Variants in SPIRE1 observed in about 807,000 individuals in gnomAD.
SPIRE1 encodes protein spire homolog 1.
A neutral mutation model predicts 94.1 loss-of-function variants in SPIRE1; 40 were observed. The ratio of observed to expected loss-of-function variants is 0.43; its 90% confidence interval spans 0.33 to 0.55. SPIRE1 has a LOEUF of 0.55. Among genes scored for constraint, SPIRE1 ranks in the 20% least tolerant of loss-of-function variants. The probability of loss-of-function intolerance (pLI) is 0.06; values close to 1 mark genes in which losing one functional copy is unlikely to be tolerated. For synonymous variants in SPIRE1, 376 were observed against 371.7 expected (o/e 1.01, Z -0.13); for missense variants, 838 against 975.2 (o/e 0.86, Z 1.87).
chr18:12,514,180 G>A (rs62097092), intron 4 of SPIRE1, among the ~76,000 whole-genome samples: 68 of 152,236 alleles, frequency 4.5e-4, no homozygotes, highest in South Asian at 8.3e-4. Context: ...CTTATGGTAT[G>A]CACACTGGCT....
rs563406956 is a variant in SPIRE1, at chr18:12,458,320, T to G, written c.1639-3837A>C. ...TACTCTTCTTAATCAACTACAAAAC[T>G]CAAAGTGAAGGCCAGGCGCAGTGGC... is the stretch of plus-strand genomic sequence containing the variant. On this transcript the variant is annotated intron_variant, in intron 12 of 16. Coordinates refer to ENST00000409402, the MANE Select transcript of SPIRE1 (RefSeq NM_001128626.2). Among the ~76,000 whole-genome samples, 6 of 151,094 alleles carry G rather than the reference T, an allele frequency of 4.0e-5. No individual in the cohort carries two copies. The South Asian group carries it at 1.3e-3, about 32-fold the overall frequency.
intron 10 of SPIRE1, among the ~76,000 whole-genome samples, chr18:12,469,142 G>A (rs1466747171): frequency 1.3e-5 from 2 of 151,974 alleles, no homozygotes; most frequent in Non-Finnish European, 1.5e-5. Flanking sequence ...TGGTTCTAGG[G>A]GAATTAACAT....
intron 2 of SPIRE1, among the ~76,000 whole-genome samples, chr18:12,590,801 G>A (rs1232666304): frequency 2.0e-5 from 3 of 152,176 alleles, no homozygotes; most frequent in African/African-American, 7.2e-5. Context: ...ACCTTTTCTT[G>A]AGTCCAGGAC....
intron 1 of SPIRE1, among the ~76,000 whole-genome samples, chr18:12,648,138 T>TGTGC (rs1175546864): frequency 1.3e-5 from 2 of 152,172 alleles, no homozygotes; most frequent in Non-Finnish European, 2.9e-5. Context: ...TTCACAGAAT[T>TGTGC]CAAAATAACT....
chr18:12,583,325 C>T (rs1362729064), intron 2 of SPIRE1, among the ~76,000 whole-genome samples: 7 of 152,008 alleles, frequency 4.6e-5, no homozygotes, highest in Admixed American at 2.6e-4. Context: ...AGAAAAAGGC[C>T]GGGTATGGTG....
chr18:12,655,993 G>T (rs1337606356), intron 1 of SPIRE1, among the ~76,000 whole-genome samples: 1 of 152,102 alleles, frequency 6.6e-6, no homozygotes, highest in Non-Finnish European at 1.5e-5. Flanking sequence ...CCACCTCCCA[G>T]GTTCAAGCAA....
At chr18:12,656,055 C>T (rs1245285925) in intron 1 of SPIRE1, among the ~76,000 whole-genome samples, 2 of 150,882 alleles carry the variant, frequency 1.3e-5, no homozygotes, top group African/African-American at 2.4e-5. Context: ...CACAACACCA[C>T]GCCCGGCTAA....
rs1334231402 is a variant in SPIRE1 at position 12,473,913 on chromosome 18, T to C, written c.1404+5786A>G. The stretch of plus-strand genomic sequence containing the variant: ...GGGGAGCACAGCTGATATTGTGGAA[T>C]GGTGGAAGGTATCTCTTAAAAGAAT... On this transcript the variant is annotated intron_variant, in intron 10 of 16. Coordinates refer to ENST00000409402, the MANE Select transcript of SPIRE1 (RefSeq NM_001128626.2). Among the ~76,000 whole-genome samples the C allele has an allele frequency of 3.3e-5, 5 of 152,352 alleles. 1 individual carries two copies. Among genetic ancestry groups the C allele is most frequent in the Middle Eastern group, 6.8e-3 (2 of 294 alleles).
upstream of SPIRE1, chr18:12,661,218 G>A (rs1229169222): frequency 5.0e-5 from 9 of 181,096 alleles, no homozygotes; most frequent in Non-Finnish European, 8.5e-5. Flanking sequence ...TGAGGCAGGG[G>A]AATCACTTGA....
intron 1 of SPIRE1, among the ~76,000 whole-genome samples, chr18:12,649,549 C>G (rs1228000792): frequency 1.3e-5 from 2 of 152,178 alleles, no homozygotes; most frequent in African/African-American, 4.8e-5. Flanking sequence ...GAAATACATA[C>G]AGCTCTAATG....
At chr18:12,586,698 TAA>T (rs1179732023) in intron 2 of SPIRE1, among the ~76,000 whole-genome samples, 1 of 152,200 alleles carries the variant, frequency 6.6e-6, no homozygotes, top group African/African-American at 2.4e-5. Context: ...ATAAATCCAA[TAA>T]AGTCATTTTC....
chr18:12,620,294 T>C (rs2037431066), intron 2 of SPIRE1, among the ~76,000 whole-genome samples: 1 of 152,232 alleles, frequency 6.6e-6, no homozygotes, highest in Non-Finnish European at 1.5e-5. Flanking sequence ...CCTATGAGAA[T>C]TCCAGCTGGT....
chr18:12,466,255 G>C (rs2032094687), intron 10 of SPIRE1, among the ~76,000 whole-genome samples: 1 of 151,992 alleles, frequency 6.6e-6, no homozygotes. Flanking sequence ...ACATTTACTT[G>C]TAATTTCTAC....
intron 2 of SPIRE1, among the ~76,000 whole-genome samples, chr18:12,588,688 T>C (rs926993536): frequency 8.5e-5 from 12 of 140,904 alleles, no homozygotes; most frequent in Non-Finnish European, 1.7e-4. Flanking sequence ...CTTTCTTACA[T>C]TGCTAGTGCT....
At chr18:12,508,508 C>T (rs2033913584) in intron 5 of SPIRE1, among the ~76,000 whole-genome samples, 1 of 152,152 alleles carries the variant, frequency 6.6e-6, no homozygotes, top group African/African-American at 2.4e-5. Flanking sequence ...CTCAGGAATG[C>T]TTTTGTCCCA....
At chr18:12,622,227 A>C (rs909816655) in intron 2 of SPIRE1, among the ~76,000 whole-genome samples, 3 of 152,140 alleles carry the variant, frequency 2.0e-5, no homozygotes, top group Non-Finnish European at 2.9e-5. Context: ...TTATGGTACC[A>C]ATTAATTAAA....
intron 2 of SPIRE1, among the ~76,000 whole-genome samples, chr18:12,631,123 C>T (rs183350638): frequency 9.7e-4 from 147 of 152,138 alleles, no homozygotes; most frequent in African/African-American, 3.4e-3. Context: ...GGAAGAAGTA[C>T]CTCTGCCATC....
chr18:12,587,077 T>C (rs1403821164), intron 2 of SPIRE1, among the ~76,000 whole-genome samples: 1 of 152,222 alleles, frequency 6.6e-6, no homozygotes, highest in African/African-American at 2.4e-5. Flanking sequence ...ATTCTTACCC[T>C]ATTTCCTTCT....
intron 4 of SPIRE1, among the ~76,000 whole-genome samples, chr18:12,527,943 G>C (rs867654637): frequency 2.5e-4 from 38 of 151,944 alleles, no homozygotes; most frequent in African/African-American, 8.9e-4. Flanking sequence ...GCGGGTGCCT[G>C]TAGTCCCAGC....
Sources: allele counts gnomAD v4.1 joint callset (sites outside exome capture counted in the v4.1 genomes callset), GRCh38; gene constraint gnomAD v4.1.1; transcripts MANE v1.5; gene names NCBI Gene and HGNC (gene_info 2026-07-23, HGNC 2026-07-21).